The following RAB7A variants were observed in gnomAD, a reference collection of about 807,000 sequenced individuals.
RAB7A encodes the protein ras-related protein Rab-7a.
RAB7A carries 2 observed loss-of-function variants against 24.5 expected under a neutral mutation model. The observed-to-expected ratio is 0.08, with a 90% confidence interval of 0.03 to 0.26. The LOEUF (loss-of-function observed/expected upper bound fraction) is 0.26. Among genes scored for constraint, RAB7A ranks in the 10% least tolerant of loss-of-function variants. The pLI, the probability that RAB7A is intolerant of heterozygous loss-of-function variation, is 1.00. For missense variants in RAB7A, 118 were observed against 255.7 expected (o/e 0.46, Z 3.67); for synonymous variants, 100 against 95.9 (o/e 1.04, Z -0.25).
chr3:128,731,626 C>A (rs1337015396), intron 1 of RAB7A, among the ~76,000 whole-genome samples: 4 of 152,216 alleles, frequency 2.6e-5, no homozygotes, highest in African/African-American at 9.6e-5. Flanking sequence ...GGTCTGCTAA[C>A]TCAGTTCAGT....
chr3:128,801,767 G>A (rs905936979), intron 3 of RAB7A, among the ~76,000 whole-genome samples: 1 of 152,156 alleles, frequency 6.6e-6, no homozygotes, highest in Non-Finnish European at 1.5e-5. Context: ...GATGATATTT[G>A]CTGAGAATTT....
intron 1 of RAB7A, among the ~76,000 whole-genome samples, chr3:128,751,363 G>A (rs2070679429): frequency 6.6e-6 from 1 of 152,218 alleles, no homozygotes; most frequent in Admixed American, 6.5e-5. Flanking sequence ...CAAAGCCTCA[G>A]GGGTGGAGCT....
At chr3:128,758,285 T>G (rs2070747451) in intron 1 of RAB7A, among the ~76,000 whole-genome samples, 2 of 150,486 alleles carry the variant, frequency 1.3e-5, no homozygotes, top group Admixed American at 1.3e-4. Flanking sequence ...TTTTTTTTTT[T>G]TTTTTGAGAC....
chr3:128,729,822 G>A (rs2070417085), intron 1 of RAB7A, among the ~76,000 whole-genome samples: 2 of 152,176 alleles, frequency 1.3e-5, no homozygotes, highest in South Asian at 4.1e-4. Flanking sequence ...TGGACTTGGA[G>A]CTGTAGGCAG....
intron 1 of RAB7A, among the ~76,000 whole-genome samples, chr3:128,781,331 G>A (rs1319808929): frequency 6.6e-6 from 1 of 152,178 alleles, no homozygotes; most frequent in East Asian, 1.9e-4. Context: ...TATCTCATTT[G>A]TGGAGGATTC....
chr3:128,770,849 A>G (rs1031363801), intron 1 of RAB7A, among the ~76,000 whole-genome samples: 1 of 152,094 alleles, frequency 6.6e-6, no homozygotes, highest in South Asian at 2.1e-4. Context: ...TTTTTTTAAC[A>G]TAAAGCAAAT....
chr3:128,735,299 G>GGA (rs1037815590), intron 1 of RAB7A, among the ~76,000 whole-genome samples: 2 of 152,128 alleles, frequency 1.3e-5, no homozygotes, highest in African/African-American at 4.8e-5. Flanking sequence ...ATGGATGTAG[G>GGA]GATTGCAGTA....
chr3:128,740,142 C>A (rs367727336), intron 1 of RAB7A, among the ~76,000 whole-genome samples: 2 of 152,182 alleles, frequency 1.3e-5, no homozygotes, highest in South Asian at 4.2e-4. Context: ...TTTGGGAGGC[C>A]GCCGAGATGG....
chr3:128,772,453 A>T (rs1932972361), intron 1 of RAB7A, among the ~76,000 whole-genome samples: 1 of 152,040 alleles, frequency 6.6e-6, no homozygotes, highest in Non-Finnish European at 1.5e-5. Context: ...ATTCTTGCTT[A>T]AAAATGTTTT....
chr3:128,764,766 C>T, intron 1 of RAB7A: 1 of 821,884 alleles, frequency 1.2e-6, no homozygotes, highest in South Asian at 1.3e-5. Flanking sequence ...TCTTGATATC[C>T]TGAAGGAAGA....
At chr3:128,780,355 C>T (rs1212995539) in intron 1 of RAB7A, among the ~76,000 whole-genome samples, 1 of 152,078 alleles carries the variant, frequency 6.6e-6, no homozygotes, top group African/African-American at 2.4e-5. Context: ...TTTTTTTCAA[C>T]TCTGTGGAGG....
chr3:128,758,274 GT>G (rs35360318), intron 1 of RAB7A, among the ~76,000 whole-genome samples: 194 of 126,708 alleles, frequency 1.5e-3, no homozygotes, highest in African/African-American at 3.2e-3. Flanking sequence ...TTGTTTTTTT[GT>G]TTTTTTTTTT....
chr3:128,796,783 C>G (rs569368987), intron 2 of RAB7A, among the ~76,000 whole-genome samples: 1 of 152,234 alleles, frequency 6.6e-6, no homozygotes, highest in Non-Finnish European at 1.5e-5. Context: ...CCACCTCAGC[C>G]TCCAGAGTAG....
chr3:128,746,606 G>T (rs1443907971), intron 1 of RAB7A, among the ~76,000 whole-genome samples: 1 of 151,944 alleles, frequency 6.6e-6, no homozygotes, highest in Non-Finnish European at 1.5e-5. Context: ...TTGGCTCACT[G>T]CAAGCTCCGC....
At chr3:128,748,315 C>T (rs1474425728) in intron 1 of RAB7A, among the ~76,000 whole-genome samples, 1 of 152,168 alleles carries the variant, frequency 6.6e-6, no homozygotes, top group Non-Finnish European at 1.5e-5. Flanking sequence ...GACTGGCAGG[C>T]ATGGTGGCTT....
chr3:128,736,661 T>G (rs1465726121), intron 1 of RAB7A, among the ~76,000 whole-genome samples: 1 of 152,144 alleles, frequency 6.6e-6, no homozygotes, highest in Non-Finnish European at 1.5e-5. Flanking sequence ...TACTGTTAAA[T>G]AAAGTTATTT....
intron 1 of RAB7A, among the ~76,000 whole-genome samples, chr3:128,793,970 A>T (rs1419202910): frequency 1.3e-5 from 2 of 152,110 alleles, no homozygotes; most frequent in Non-Finnish European, 1.5e-5. Flanking sequence ...CCAGAAACAG[A>T]CTCTGAAGCC....
chr3:128,740,226 C>A (rs11716613), intron 1 of RAB7A, among the ~76,000 whole-genome samples: 16,455 of 151,124 alleles, frequency 0.11, 1,165 homozygotes, highest in Middle Eastern at 0.18. Flanking sequence ...AAAACAAATA[C>A]AACAATTAGC....
intron 1 of RAB7A, among the ~76,000 whole-genome samples, chr3:128,775,560 A>G (rs1933069748): frequency 6.6e-6 from 1 of 152,192 alleles, no homozygotes; most frequent in African/African-American, 2.4e-5. Context: ...GAGCAGGCAT[A>G]ATGTTATGCT....
Sources: gnomAD v4.1 joint callset for allele counts (sites outside exome capture counted in the v4.1 genomes callset) on GRCh38, gnomAD v4.1.1 for gene constraint, MANE v1.5 for transcripts, NCBI Gene and HGNC (gene_info 2026-07-23, HGNC 2026-07-21) for gene names.